The following BRAF variants were observed in gnomAD, a reference collection of about 807,000 sequenced individuals.
BRAF encodes the protein B-Raf proto-oncogene, serine/threonine kinase.
In BRAF, 16 loss-of-function variants were observed where a neutral mutation model predicts 104.6. That is an observed-to-expected ratio of 0.15 (90% CI 0.10 to 0.23). The LOEUF is 0.23. BRAF is among the 10% of genes least tolerant of loss of function. The pLI is 1.00. For missense variants in BRAF, 541 were observed against 937.3 expected, an observed-to-expected ratio of 0.58 and a Z score of 5.52; for synonymous variants, 310 against 341.6, an observed-to-expected ratio of 0.91 and a Z score of 1.02.
At chr7:140,772,344 C>A (rs1349445281) in intron 14 of BRAF, among the ~76,000 whole-genome samples, 1 of 151,960 alleles carries the variant, frequency 6.6e-6, no homozygotes, top group African/African-American at 2.4e-5. Flanking sequence ...GAAAATAGGC[C>A]GGGCCTGGTG....
intron 3 of BRAF, among the ~76,000 whole-genome samples, chr7:140,816,781 T>C (rs1281690831): frequency 6.6e-6 from 1 of 152,138 alleles, no homozygotes; most frequent in Non-Finnish European, 1.5e-5. Flanking sequence ...AACTCAAAGA[T>C]GTTAAAATTA....
At chr7:140,902,194 G>A (rs192781299) in intron 1 of BRAF, among the ~76,000 whole-genome samples, 1 of 152,284 alleles carries the variant, frequency 6.6e-6, no homozygotes, top group Admixed American at 6.5e-5. Context: ...TCACATTTCA[G>A]TAATTCTCAT....
intron 1 of BRAF, among the ~76,000 whole-genome samples, chr7:140,915,802 A>G (rs1032164633): frequency 1.3e-5 from 2 of 152,074 alleles, no homozygotes; most frequent in Non-Finnish European, 2.9e-5. Context: ...ATTTTGGAAC[A>G]ATAGTTAAAA....
chr7:140,787,808 C>T (rs1801546264), intron 8 of BRAF, among the ~76,000 whole-genome samples: 1 of 152,084 alleles, frequency 6.6e-6, no homozygotes, highest in African/African-American at 2.4e-5. Context: ...ATTATTAGTC[C>T]TAATCAAATG....
At position 140,874,204 on chromosome 7, in the gene BRAF, CTT is replaced by C. The variant is rs551211923; in HGVS notation, c.139-23994_139-23993del. Among the ~76,000 whole-genome samples, 263 of 137,568 alleles carry C rather than the reference CTT, an allele frequency of 1.9e-3. 1 individual carries two copies. Among genetic ancestry groups the C allele is most frequent in the African/African-American group, 4.7e-3 (173 of 36,824 alleles). 90.2% of individuals were successfully genotyped at this position (137,568 alleles called of 152,430 possible). A position where few individuals can be genotyped will look rare whatever the true frequency, so the allele number is the denominator to read the frequency against. On this transcript the variant is annotated intron_variant, in intron 1 of 19. Coordinates refer to ENST00000644969, the MANE Select transcript of BRAF (RefSeq NM_001374258.1). The stretch of plus-strand genomic sequence containing the variant: ...CATCAGTGAGTTTACATTTTACATA[CTT>C]TTTTTTTTTTTTTTTTGAAATGGAG...
intron 1 of BRAF, among the ~76,000 whole-genome samples, chr7:140,885,726 A>G (rs1048412932): frequency 3.9e-5 from 6 of 152,232 alleles, no homozygotes; most frequent in Non-Finnish European, 7.3e-5. Flanking sequence ...ATAATATACT[A>G]TAATGTGATA....
intron 8 of BRAF, among the ~76,000 whole-genome samples, chr7:140,792,646 C>T (rs1029841187): frequency 2.6e-5 from 4 of 152,174 alleles, no homozygotes; most frequent in South Asian, 2.1e-4. Flanking sequence ...TTTATTACCC[C>T]CTTCTCTAAA....
At chr7:140,805,587 T>C (rs1167991653) in intron 5 of BRAF, among the ~76,000 whole-genome samples, 1 of 152,148 alleles carries the variant, frequency 6.6e-6, no homozygotes, top group African/African-American at 2.4e-5. Flanking sequence ...TAAATATGTA[T>C]GGCAAATTAG....
chr7:140,728,668 T>C (rs958048628), intron 19 of BRAF, among the ~76,000 whole-genome samples: 2 of 152,204 alleles, frequency 1.3e-5, no homozygotes, highest in African/African-American at 4.8e-5. Context: ...CTTACTATTG[T>C]TGCTTACAGT....
chr7:140,763,305 T>A (rs1798956787), intron 14 of BRAF, among the ~76,000 whole-genome samples: 1 of 137,696 alleles, frequency 7.3e-6, no homozygotes, highest in Admixed American at 7.3e-5. Context: ...CCCACCTCCC[T>A]CCTGGACAGG....
Position 140,721,924 on chromosome 7 carries a change from ACT to A in BRAF, c.*4568_*4569del. ...TCCCGGGAAGAAATTTACATTTCAAACTCTGAAAAATCAGTGTCTAGGTTGGC... is the reference window on the plus strand; with the variant it reads ...TCCCGGGAAGAAATTTACATTTCAAACTGAAAAATCAGTGTCTAGGTTGGC... On this transcript the variant is annotated 3_prime_UTR_variant, in exon 20 of 20. Coordinates refer to ENST00000644969, the MANE Select transcript of BRAF (RefSeq NM_001374258.1). The A allele has an allele frequency of 7.9e-7, 1 of 1,262,508 alleles. No homozygotes were observed. 78.2% of individuals were successfully genotyped at this position (1,262,508 alleles called of 1,614,324 possible). A position where few individuals can be genotyped will look rare whatever the true frequency, so the allele number is the denominator to read the frequency against.
chr7:140,872,586 G>GGCTT (rs1811738087), intron 1 of BRAF, among the ~76,000 whole-genome samples: 2 of 152,162 alleles, frequency 1.3e-5, no homozygotes. Flanking sequence ...TGGGCATGGT[G>GGCTT]GCTTATGCCT....
At chr7:140,896,879 A>G (rs1398338503) in intron 1 of BRAF, among the ~76,000 whole-genome samples, 1 of 149,286 alleles carries the variant, frequency 6.7e-6, no homozygotes, top group Non-Finnish European at 1.5e-5. Flanking sequence ...AAAAAAAAAA[A>G]AAAGGGGTGG....
chr7:140,832,428 C>A (rs934362745), intron 3 of BRAF, among the ~76,000 whole-genome samples: 2 of 151,976 alleles, frequency 1.3e-5, no homozygotes, highest in African/African-American at 4.8e-5. Context: ...CACAGCATGG[C>A]AAATGCTCAA....
chr7:140,873,828 A>C (rs141339546), intron 1 of BRAF, among the ~76,000 whole-genome samples: 1 of 152,290 alleles, frequency 6.6e-6, no homozygotes, highest in African/African-American at 2.4e-5. Flanking sequence ...TGAAGTTTGA[A>C]TATACTCCCT....
At chr7:140,907,787 C>T (rs569619211) in intron 1 of BRAF, among the ~76,000 whole-genome samples, 20 of 151,640 alleles carry the variant, frequency 1.3e-4, no homozygotes, top group African/African-American at 4.6e-4. Context: ...TCTTATAGGC[C>T]AGGCTGGAGT....
At chr7:140,918,771 G>A (rs928849279) in intron 1 of BRAF, among the ~76,000 whole-genome samples, 3 of 152,142 alleles carry the variant, frequency 2.0e-5, no homozygotes, top group African/African-American at 7.2e-5. Flanking sequence ...TATGTGCCAG[G>A]TACTATTATA....
intron 16 of BRAF, among the ~76,000 whole-genome samples, chr7:140,750,330 T>C (rs1265061238): frequency 6.6e-6 from 1 of 152,154 alleles, no homozygotes; most frequent in East Asian, 1.9e-4. Context: ...TGGTTATTGC[T>C]CTGGGTAAGG....
In BRAF at chr7:140,904,236, T is replaced by C. The variant is rs78859214; in HGVS notation, c.138+20330A>G. Among the ~76,000 whole-genome samples the C allele has an allele frequency of 6.7e-3, 1,022 of 152,274 alleles. 3 individuals carry two copies. The highest frequency in any genetic ancestry group is 0.027 in the Middle Eastern group (8 of 294). On this transcript the variant is annotated intron_variant, in intron 1 of 19. Transcript: ENST00000644969. ...TTGTCTTAAGAAACTGGCATAGCCA[T>C]CCTATCCTTCAGTAACCACCAGGGA... is the stretch of plus-strand genomic sequence containing the variant.
Sources: allele counts gnomAD v4.1 joint callset (sites outside exome capture counted in the v4.1 genomes callset), GRCh38; gene constraint gnomAD v4.1.1; transcripts MANE v1.5; gene names NCBI Gene and HGNC (gene_info 2026-07-23, HGNC 2026-07-21).